Variants in PHF8 observed in about 807,000 individuals in gnomAD.
PHF8 encodes PHD finger protein 8.
PHF8 carries 9 observed loss-of-function variants against 74.4 expected under a neutral mutation model. The ratio of observed to expected loss-of-function variants is 0.12; its 90% CI spans 0.07 to 0.21. The LOEUF (loss-of-function observed/expected upper bound fraction) is 0.21. Among genes scored for constraint, PHF8 ranks in the 10% least tolerant of loss-of-function variants. The pLI, the probability that PHF8 is intolerant of heterozygous loss-of-function variation, is 1.00. For missense variants in PHF8, 478 were observed against 816.6 expected, an observed-to-expected ratio of 0.59 and a Z score of 5.05; for synonymous variants, 311 against 316.6, an observed-to-expected ratio of 0.98 and a Z score of 0.19.
chrX:54,015,400 C>A (rs2066047408), intron 6 of PHF8, among the ~76,000 whole-genome samples: 1 of 109,004 alleles, frequency 9.2e-6, no homozygotes, highest in African/African-American at 3.3e-5. Context: ...CACAGTGAAA[C>A]CCCGTCTCTA....
Position 53,942,747 on chromosome X carries a change from G to C in PHF8, c.2649+1387C>G. 4 of 749,595 alleles carry C rather than the reference G, an allele frequency of 5.3e-6. No individual in the cohort carries two copies. In the South Asian group the frequency reaches 2.1e-4, roughly 39 times the overall value. 61.8% of individuals were successfully genotyped at this position (749,595 alleles called of 1,213,427 possible). On this transcript the variant is annotated intron_variant, in intron 20 of 21. Transcript: ENST00000338154. ...GGTAGGTAGTATGAAGGGCTGTTAG[G>C]TAAGGGATCTGATAGGGTATGATTC... is the stretch of plus-strand genomic sequence containing the variant.
At chrX:53,977,707 T>C (rs1175149481) in intron 18 of PHF8, among the ~76,000 whole-genome samples, 2 of 106,384 alleles carry the variant, frequency 1.9e-5, no homozygotes, top group African/African-American at 6.9e-5. Context: ...AGTGCAGTGG[T>C]GCGATCTCGG....
Position 53,992,750 on chromosome X carries a change from C to T in PHF8, c.1716G>A (p.Leu572=), listed in dbSNP as rs782566210. Residue 572 remains leucine, a synonymous_variant, in exon 14 of 22, where the codon TTG becomes TTA. Coordinates refer to ENST00000338154, the MANE Select transcript of PHF8 (RefSeq NM_015107.3). The part of the protein sequence containing the change: ...LDGNESPLAL[L]MSNGSTKRVK... ...TCCCACCTCACCTGCCGTTAGACAT[C>T]AATAGGGCCAATGGGCTCTCATTTC... The T allele has an allele frequency of 4.2e-6, 5 of 1,179,340 alleles. No individual in the cohort carries two copies. The South Asian group carries it at 5.4e-5, about 13-fold the overall frequency.
chrX:53,955,474 A>C (rs994941424), intron 19 of PHF8, among the ~76,000 whole-genome samples: 5 of 110,177 alleles, frequency 4.5e-5, no homozygotes, highest in Non-Finnish European at 7.6e-5. Context: ...GGCACTAGGC[A>C]AAGTGCTACA....
At chrX:54,012,242 G>A (rs1242780054) in intron 7 of PHF8, among the ~76,000 whole-genome samples, 1 of 111,546 alleles carries the variant, frequency 9.0e-6, no homozygotes, top group Non-Finnish European at 1.9e-5. Context: ...TTGCTTTAGA[G>A]AGAGAATATA....
At position 53,987,940 on chromosome X, in the gene PHF8, T is replaced by C; in HGVS notation, c.1735A>G (p.Lys579Glu). ...GATTTGGATAAACTCTTCACCCTTT[T>C]CGTACTGAAGGGAAGGAGAACATAA... is the stretch of plus-strand genomic sequence containing the variant. The part of the protein sequence containing the change: ...LALLMSNGST[K>E]RVKSLSKSRR... Residue 579 changes from lysine (K) to glutamate (E), a missense_variant, in exon 15 of 22, where the codon AAA becomes GAA. Transcript: ENST00000338154. 7.5e-6 allele frequency: 9 copies of C among 1,200,838 alleles called. No individual in the cohort carries two copies. Among genetic ancestry groups the C allele is most frequent in the Non-Finnish European group, 9.0e-6 (8 of 887,966 alleles).
intron 18 of PHF8, among the ~76,000 whole-genome samples, chrX:53,983,161 T>A (rs2065504649): frequency 1.1e-5 from 1 of 95,093 alleles, no homozygotes. Flanking sequence ...GGAGACAGAG[T>A]GAGACTGTGT....
chrX:54,040,282 T>C (rs1184012165), intron 2 of PHF8, among the ~76,000 whole-genome samples: 1 of 111,002 alleles, frequency 9.0e-6, no homozygotes, highest in Non-Finnish European at 1.9e-5. Context: ...ACATTTCCCA[T>C]ACAATCCAAA....
At chrX:54,018,178 T>C (rs1557108775) in intron 4 of PHF8, among the ~76,000 whole-genome samples, 1 of 112,412 alleles carries the variant, frequency 8.9e-6, no homozygotes, top group Non-Finnish European at 1.9e-5. Flanking sequence ...AAGACTGATT[T>C]AAACAAAACA....
intron 4 of PHF8, among the ~76,000 whole-genome samples, chrX:54,018,719 C>T (rs1460187952): frequency 1.8e-5 from 2 of 109,774 alleles, no homozygotes; most frequent in Non-Finnish European, 3.8e-5. Context: ...CTCCAGGGTT[C>T]AAGCGATTCT....
intron 19 of PHF8, among the ~76,000 whole-genome samples, chrX:53,962,176 C>A (rs1603304874): frequency 9.0e-6 from 1 of 111,578 alleles, no homozygotes. Flanking sequence ...ACTTTTGAGA[C>A]CATTCAGCCC....
chrX:53,949,744 G>T (rs1442153860), intron 19 of PHF8, among the ~76,000 whole-genome samples: 2 of 102,016 alleles, frequency 2.0e-5, no homozygotes, highest in South Asian at 9.5e-4. Flanking sequence ...CCCGGAAGGC[G>T]GAGCTTGCAG....
At chrX:54,020,577 A>C (rs1557109576) in intron 4 of PHF8, among the ~76,000 whole-genome samples, 3 of 112,325 alleles carry the variant, frequency 2.7e-5, no homozygotes, top group Non-Finnish European at 3.8e-5. Context: ...AAGGAATTAA[A>C]AAAATCTATG....
At chrX:54,046,767 G>C (rs1256209746), upstream of PHF8, among the ~76,000 whole-genome samples, 4 of 111,438 alleles carry the variant, frequency 3.6e-5, no homozygotes, top group African/African-American at 1.3e-4. Flanking sequence ...TGGGAGGTCA[G>C]GATGGGAGGA....
chrX:53,953,600 C>T (rs781913260), intron 19 of PHF8, among the ~76,000 whole-genome samples: 3 of 96,157 alleles, frequency 3.1e-5, no homozygotes, highest in South Asian at 6.4e-4. Context: ...GCCAAGATCG[C>T]GTTGCTGCAT....
At chrX:54,017,543 T>TCA (rs2066093185) in intron 5 of PHF8, 118 bp downstream of exon 5, 1 of 610,227 alleles carries the variant, frequency 1.6e-6, no homozygotes, top group African/African-American at 2.2e-5. Flanking sequence ...ACAAGGCATT[T>TCA]CACCTGAGAT....
At chrX:53,943,781 C>G (rs941114896) in intron 20 of PHF8, among the ~76,000 whole-genome samples, 5 of 111,847 alleles carry the variant, frequency 4.5e-5, no homozygotes, top group Non-Finnish European at 9.4e-5. Context: ...AGAACTTGAG[C>G]GTACTCAGCT....
chrX:53,979,494 A>G (rs2065445203), intron 18 of PHF8, among the ~76,000 whole-genome samples: 1 of 112,396 alleles, frequency 8.9e-6, no homozygotes, highest in Admixed American at 9.5e-5. Context: ...GAAAAATTAA[A>G]AAGAGAATAA....
intron 8 of PHF8, among the ~76,000 whole-genome samples, chrX:54,005,622 T>TA (rs782521734): frequency 0.017 from 1,126 of 67,355 alleles, 10 homozygotes; most frequent in African/African-American, 0.032. Context: ...GCAGAAAACT[T>TA]AAAAAAAAAA....
Sources: allele counts gnomAD v4.1 joint callset (sites outside exome capture counted in the v4.1 genomes callset), GRCh38; gene constraint gnomAD v4.1.1; transcripts MANE v1.5; gene names NCBI Gene and HGNC (gene_info 2026-07-23, HGNC 2026-07-21).